The following FBP2 variants were observed in gnomAD, a reference collection of about 807,000 sequenced individuals.
FBP2 encodes the protein fructose-bisphosphatase 2, also known as fructose-1,6-bisphosphatase isozyme 2.
Under a neutral mutation model 31.6 loss-of-function variants are expected in FBP2, and 27 were observed. The observed-to-expected ratio is 0.85, with a 90% CI of 0.63 to 1.18. The LOEUF (loss-of-function observed/expected upper bound fraction) is 1.18, where lower values mean the gene tolerates loss of function less well. Ranked by LOEUF, FBP2 falls within the 50% of genes most tolerant of loss-of-function variation. The pLI is 0.00. For missense variants in FBP2, 421 were observed against 436.1 expected (o/e 0.97, Z 0.31); for synonymous variants, 168 against 179.8 (o/e 0.93, Z 0.53).
rs141540383 is a variant in FBP2, at chr9:94,567,377, C to G, written c.598G>C (p.Asp200His). Reference protein sequence around the residue: ...ALGEFVLVEKDVKIKKKGKIY... With the variant: ...ALGEFVLVEKHVKIKKKGKIY... ...TTTCCTTTCTTCTTAATCTTGACAT[C>G]TTTTTCCACCAGGACAAATTCACCA... Residue 200 changes from aspartate (D) to histidine (H), a missense_variant, in exon 5 of 7, where the codon GAT (aspartate) becomes CAT (histidine). By Grantham distance (81) the Asp-to-His change is moderately conservative (BLOSUM62 -1). Transcript: ENST00000375337. 5.6e-5 allele frequency: 91 copies of G among 1,614,006 alleles called. No homozygotes were observed. The highest frequency in any genetic ancestry group is 7.5e-5 in the Non-Finnish European group (88 of 1,180,018).
At chr9:94,573,476 C>A (rs771664736) in intron 3 of FBP2, among the ~76,000 whole-genome samples, 16 of 152,032 alleles carry the variant, frequency 1.1e-4, no homozygotes, top group Admixed American at 4.6e-4. Flanking sequence ...CCAGGCTGGT[C>A]TCAAACTCCT....
intron 6 of FBP2, among the ~76,000 whole-genome samples, chr9:94,559,337 G>A (rs1215629393): frequency 6.6e-6 from 1 of 152,202 alleles, no homozygotes; most frequent in Non-Finnish European, 1.5e-5. Context: ...GAAGCCTTGG[G>A]GGCCCCTCTG....
intron 3 of FBP2, among the ~76,000 whole-genome samples, chr9:94,576,918 C>CG (rs1827321670): frequency 6.6e-6 from 1 of 152,116 alleles, no homozygotes; most frequent in African/African-American, 2.4e-5. Flanking sequence ...GCATTGGAAA[C>CG]TGAGGTGAGG....
At chr9:94,561,099 G>A (rs987478540) in intron 6 of FBP2, among the ~76,000 whole-genome samples, 2 of 152,038 alleles carry the variant, frequency 1.3e-5, no homozygotes, top group South Asian at 2.1e-4. Context: ...AGCTTATAGC[G>A]CTCAGCATTT....
At chr9:94,584,114 C>A (rs1587844785) in intron 3 of FBP2, among the ~76,000 whole-genome samples, 2 of 152,196 alleles carry the variant, frequency 1.3e-5, no homozygotes, top group African/African-American at 2.4e-5. Context: ...AAAGACTTTT[C>A]AGGTGTACTC....
intron 1 of FBP2, among the ~76,000 whole-genome samples, chr9:94,591,751 C>G (rs1827506090): frequency 6.6e-6 from 1 of 152,206 alleles, no homozygotes; most frequent in Non-Finnish European, 1.5e-5. Context: ...CATGCGCTCG[C>G]TAACTCTGCA....
intron 3 of FBP2, chr9:94,577,162 G>A (rs1385496338): frequency 6.6e-6 from 1 of 152,260 alleles, no homozygotes; most frequent in African/African-American, 2.4e-5. Flanking sequence ...GGGTGGTGAG[G>A]GTACTGACCC....
At chr9:94,578,749 C>T (rs1287111121) in intron 3 of FBP2, among the ~76,000 whole-genome samples, 1 of 151,864 alleles carries the variant, frequency 6.6e-6, no homozygotes, top group Non-Finnish European at 1.5e-5. Flanking sequence ...GAATTGTATT[C>T]GTATTGTAAA....
chr9:94,588,865 G>A (rs1827460529), intron 1 of FBP2, among the ~76,000 whole-genome samples: 1 of 152,116 alleles, frequency 6.6e-6, no homozygotes, highest in Non-Finnish European at 1.5e-5. Flanking sequence ...GTCAGCCCCA[G>A]CCTCTGAAAC....
At chr9:94,573,412 C>T (rs996569649) in intron 3 of FBP2, among the ~76,000 whole-genome samples, 2 of 152,100 alleles carry the variant, frequency 1.3e-5, no homozygotes, top group African/African-American at 4.8e-5. Flanking sequence ...GTATGCACTA[C>T]CACCCCCCTC....
chr9:94,577,415 T>C (rs749684885), intron 3 of FBP2: 5 of 152,236 alleles, frequency 3.3e-5, no homozygotes, highest in Admixed American at 6.5e-5. Context: ...CATTTTAAAC[T>C]GATGGGCAAA....
intron 6 of FBP2, 155 bp from the exon 7 acceptor site, chr9:94,559,287 A>G: frequency 4.6e-6 from 3 of 649,996 alleles, no homozygotes; most frequent in South Asian, 2.1e-5. Context: ...CGAGCTTTAG[A>G]GCCTACAGCA....
In FBP2 at chr9:94,589,330, T is replaced by C. The variant is rs111873180; in HGVS notation, c.171-1861A>G. ...ACCACAGCAGTGCTCTCTGCCCGGCTTTCTTCCTGCTATTCCTCCTTTTCC... is the reference window on the plus strand; with the variant it reads ...ACCACAGCAGTGCTCTCTGCCCGGCCTTCTTCCTGCTATTCCTCCTTTTCC... On this transcript the variant is annotated intron_variant, in intron 1 of 6. Transcript: ENST00000375337. 8.4e-3 allele frequency among the ~76,000 whole-genome samples: 1,274 copies of C among 152,268 alleles called. 25 individuals carry two copies. The highest frequency in any genetic ancestry group is 0.029 in the African/African-American group (1,198 of 41,544).
At position 94,593,821 on chromosome 9, in the gene FBP2, C is replaced by A. The variant is rs1365169396; in HGVS notation, c.-95G>T. On this transcript the variant is annotated 5_prime_UTR_variant, in exon 1 of 7. Transcript: ENST00000375337. ...CGCAGTGTGGAAGCCGATAAGAAAT[C>A]TGTGCTGGCCCTGCCAGGATCTCTA... 3 of 1,392,006 alleles carry A rather than the reference C, an allele frequency of 2.2e-6. No individual in the cohort carries two copies. Among genetic ancestry groups the A allele is most frequent in the South Asian group, 1.4e-5 (1 of 73,138 alleles). The allele number at this position is 1,392,006 out of a possible 1,614,324, so 86.2% of individuals were successfully genotyped here. A position where few individuals can be genotyped will look rare whatever the true frequency, so the allele number is the denominator to read the frequency against.
intron 6 of FBP2, among the ~76,000 whole-genome samples, chr9:94,562,300 A>G (rs1827120347): frequency 8.2e-6 from 1 of 121,286 alleles, no homozygotes; most frequent in South Asian, 2.8e-4. Context: ...ACAGAGCAAG[A>G]CTCCATCTCA....
In FBP2 at chr9:94,559,060, T is replaced by C; in HGVS notation, c.898A>G (p.Thr300Ala). ...GGCTTCACGTCCAGTACAGGCTGGG[T>C]CCCCGTGGTCGCCAAGCCTCCTGCC... ...EQAGGLATTG[T>A]QPVLDVKPEA... is the part of the protein sequence containing the mutation. Residue 300 changes from threonine to alanine, a missense_variant, in exon 7 of 7, where the codon ACC (threonine) becomes GCC (alanine). Coordinates refer to ENST00000375337, the MANE Select transcript of FBP2 (RefSeq NM_003837.4). 1 of 1,613,960 alleles carries C rather than the reference T, an allele frequency of 6.2e-7. No individual in the cohort carries two copies. The highest frequency in any genetic ancestry group is 8.5e-7 in the Non-Finnish European group (1 of 1,179,970).
intron 2 of FBP2, among the ~76,000 whole-genome samples, chr9:94,585,539 G>A (rs995218650): frequency 1.3e-5 from 2 of 151,160 alleles, no homozygotes; most frequent in South Asian, 4.2e-4. Context: ...GAGCCATGAG[G>A]GGGGGTCACA....
At chr9:94,568,840 T>G (rs1827232124) in intron 4 of FBP2, 1 of 152,144 alleles carries the variant, frequency 6.6e-6, no homozygotes. Context: ...AGTCATTAAT[T>G]GCACCCACTT....
At chr9:94,568,136 A>AAG (rs1379446607) in intron 4 of FBP2, 2 of 151,430 alleles carry the variant, frequency 1.3e-5, no homozygotes, top group Non-Finnish European at 2.9e-5. Flanking sequence ...TCAAAAAAAA[A>AAG]AAAAATGTGT....
Sources: gnomAD v4.1 joint callset for allele counts (sites outside exome capture counted in the v4.1 genomes callset) on GRCh38, gnomAD v4.1.1 for gene constraint, MANE v1.5 for transcripts, NCBI Gene and HGNC (gene_info 2026-07-23, HGNC 2026-07-21) for gene names.